Variants in LTBP1 observed in about 807,000 individuals in gnomAD.
LTBP1 encodes latent-transforming growth factor beta-binding protein 1.
LTBP1 carries 129 observed loss-of-function variants against 207.6 expected under a neutral mutation model. The ratio of observed to expected loss-of-function variants is 0.62; its 90% CI spans 0.54 to 0.72. LTBP1 has a LOEUF of 0.72. Among genes scored for constraint, LTBP1 ranks in the 30% least tolerant of loss-of-function variants. The pLI is 0.00. For synonymous variants in LTBP1, 963 were observed against 833.7 expected, an observed-to-expected ratio of 1.16 and a Z score of -2.67; for missense variants, 2,281 against 2,217.2, an observed-to-expected ratio of 1.03 and a Z score of -0.58.
chr2:33,038,914 C>T (rs953793516), intron 3 of LTBP1, among the ~76,000 whole-genome samples: 3 of 152,194 alleles, frequency 2.0e-5, no homozygotes, highest in Admixed American at 6.5e-5. Context: ...GGCTGCTTCT[C>T]GCATCTCTGC....
At chr2:33,326,865 T>G (rs1036685368) in intron 24 of LTBP1, among the ~76,000 whole-genome samples, 2 of 152,040 alleles carry the variant, frequency 1.3e-5, no homozygotes, top group African/African-American at 4.8e-5. Flanking sequence ...TCTTTCACCA[T>G]GTTGGCCAGG....
chr2:32,959,175 G>A (rs1678583901), intron 2 of LTBP1, among the ~76,000 whole-genome samples: 1 of 152,148 alleles, frequency 6.6e-6, no homozygotes, highest in Non-Finnish European at 1.5e-5. Context: ...GTTCTGCTGG[G>A]CCAAAGGAAA....
intron 2 of LTBP1, among the ~76,000 whole-genome samples, chr2:32,968,130 C>T (rs114623000): frequency 1.6e-3 from 243 of 152,120 alleles, no homozygotes; most frequent in African/African-American, 4.5e-3. Flanking sequence ...CCATGCCTGA[C>T]TAATTTTTGT....
intron 5 of LTBP1, among the ~76,000 whole-genome samples, chr2:33,175,595 A>G (rs1405060617): frequency 6.6e-6 from 1 of 152,182 alleles, no homozygotes; most frequent in African/African-American, 2.4e-5. Flanking sequence ...AGTCAGTGTG[A>G]CACTTCCTCA....
At chr2:32,986,163 A>G (rs759602480) in intron 2 of LTBP1, among the ~76,000 whole-genome samples, 32 of 152,148 alleles carry the variant, frequency 2.1e-4, no homozygotes, top group Middle Eastern at 3.2e-3. Context: ...AACATAGATG[A>G]TTACATTTGA....
intron 19 of LTBP1, among the ~76,000 whole-genome samples, chr2:33,283,293 C>T (rs1433292349): frequency 1.3e-5 from 2 of 151,934 alleles, no homozygotes; most frequent in African/African-American, 4.8e-5. Flanking sequence ...TTAACATGCT[C>T]TTCCTGGCTA....
intron 3 of LTBP1, among the ~76,000 whole-genome samples, chr2:33,068,459 G>C (rs1448355466): frequency 6.6e-6 from 1 of 152,040 alleles, no homozygotes; most frequent in Non-Finnish European, 1.5e-5. Context: ...ATCGTCCAGA[G>C]TCCATAGTTT....
intron 9 of LTBP1, among the ~76,000 whole-genome samples, chr2:33,242,556 C>T (rs895703961): frequency 2.0e-5 from 3 of 149,224 alleles, no homozygotes; most frequent in African/African-American, 4.9e-5. Flanking sequence ...GAACTCCTTC[C>T]GCAAAACCAG....
rs774316691 is a variant in LTBP1 at position 33,397,184 on chromosome 2, A to T, written c.4886A>T (p.Asn1629Ile). 6.2e-7 allele frequency: 1 copy of T among 1,614,110 alleles called. No individual in the cohort carries two copies. Among genetic ancestry groups the T allele is most frequent in the Non-Finnish European group, 8.5e-7 (1 of 1,180,004 alleles). ...CAGGCTGAGGAATGCGGCATCCTCA[A>T]TGGATGTGAAAATGGTCGCTGTGTG... is the stretch of plus-strand genomic sequence containing the variant. ...ELQAEECGIL[N>I]GCENGRCVRV... Residue 1629 changes from asparagine (N) to isoleucine (I), a missense_variant, in exon 33 of 34, where the codon AAT (asparagine) becomes ATT (isoleucine). Physicochemically the swap from Asn to Ile is moderately radical, Grantham distance 149. Transcript: ENST00000404816.
At chr2:33,080,822 T>A (rs1016314131) in intron 3 of LTBP1, among the ~76,000 whole-genome samples, 6 of 152,240 alleles carry the variant, frequency 3.9e-5, no homozygotes, top group African/African-American at 1.2e-4. Context: ...CAATGTATAG[T>A]ATATATCATG....
intron 2 of LTBP1, among the ~76,000 whole-genome samples, chr2:33,002,516 C>T (rs537785553): frequency 6.6e-6 from 1 of 152,150 alleles, no homozygotes; most frequent in African/African-American, 2.4e-5. Flanking sequence ...CCCAGCGTCT[C>T]TTCTCCACAG....
intron 23 of LTBP1, among the ~76,000 whole-genome samples, chr2:33,310,389 G>A (rs1033433134): frequency 2.0e-4 from 31 of 152,152 alleles, no homozygotes; most frequent in Non-Finnish European, 3.7e-4. Flanking sequence ...TGAAAACACA[G>A]CAACACAACA....
chr2:33,052,205 G>GA (rs1455043380), intron 3 of LTBP1, among the ~76,000 whole-genome samples: 4 of 152,210 alleles, frequency 2.6e-5, no homozygotes, highest in African/African-American at 9.6e-5. Flanking sequence ...GTTGCTATGG[G>GA]AAAAACCCAT....
intron 7 of LTBP1, among the ~76,000 whole-genome samples, chr2:33,196,540 A>G (rs1469975614): frequency 6.6e-6 from 1 of 152,132 alleles, no homozygotes; most frequent in Non-Finnish European, 1.5e-5. Context: ...TTGAAAAAAA[A>G]GGAGATGACT....
intron 24 of LTBP1, among the ~76,000 whole-genome samples, chr2:33,326,528 T>G (rs1042198030): frequency 6.6e-6 from 1 of 152,098 alleles, no homozygotes; most frequent in African/African-American, 2.4e-5. Context: ...CTGACTTCAG[T>G]CATGAGGATA....
At chr2:33,036,760 G>A (rs886272509) in intron 3 of LTBP1, among the ~76,000 whole-genome samples, 1 of 152,070 alleles carries the variant, frequency 6.6e-6, no homozygotes, top group African/African-American at 2.4e-5. Flanking sequence ...GCCCAGCCTC[G>A]TGATGAACAT....
At position 33,254,581 on chromosome 2, in the gene LTBP1, G is replaced by C. The variant is rs1015527280; in HGVS notation, c.2167+1737G>C. Among the ~76,000 whole-genome samples, 4 of 81,536 alleles carry C rather than the reference G, an allele frequency of 4.9e-5. No individual in the cohort carries two copies. In the South Asian group the frequency reaches 1.2e-3, roughly 25 times the overall value. The allele number at this position is 81,536 out of a possible 152,430, so 53.5% of individuals were successfully genotyped here. ...TTTTTTTTTTTTTAGGGAGTTTGTT[G>C]TTGTTTTTCTGGTTTTGTTTTTGTT... On this transcript the variant is annotated intron_variant, in intron 11 of 33. Transcript: ENST00000404816.
intron 7 of LTBP1, among the ~76,000 whole-genome samples, chr2:33,190,560 C>A (rs1326875983): frequency 1.3e-5 from 2 of 152,042 alleles, no homozygotes; most frequent in African/African-American, 4.8e-5. Context: ...AGCTGTGAGC[C>A]CAGCACTCGG....
At chr2:33,089,200 G>C (rs542251219) in intron 3 of LTBP1, among the ~76,000 whole-genome samples, 5 of 149,100 alleles carry the variant, frequency 3.4e-5, no homozygotes, top group Admixed American at 6.7e-5. Context: ...AAGAAGAAAA[G>C]AAAATGTATG....
Sources: allele counts gnomAD v4.1 joint callset (sites outside exome capture counted in the v4.1 genomes callset), GRCh38; gene constraint gnomAD v4.1.1; transcripts MANE v1.5; gene names NCBI Gene and HGNC (gene_info 2026-07-23, HGNC 2026-07-21).